FGF14: variants seen among roughly 807,000 people sequenced by gnomAD.
FGF14 encodes the protein fibroblast growth factor 14.
FGF14 carries 5 observed loss-of-function variants against 25.5 expected under a neutral mutation model. The ratio of observed to expected loss-of-function variants is 0.20; its 90% CI spans 0.10 to 0.41. FGF14 has a LOEUF of 0.41. Among genes scored for constraint, FGF14 ranks in the 10% least tolerant of loss-of-function variants. The pLI is 1.00. For synonymous variants in FGF14, 138 were observed against 118.3 expected, an observed-to-expected ratio of 1.17 and a Z score of -1.08; for missense variants, 222 against 320.1, an observed-to-expected ratio of 0.69 and a Z score of 2.34.
intron 1 of FGF14, among the ~76,000 whole-genome samples, chr13:102,202,699 A>G (rs2049719024): frequency 6.6e-6 from 1 of 152,210 alleles, no homozygotes; most frequent in South Asian, 2.1e-4. Context: ...TAGTGTGCTT[A>G]GAGTTATTGT....
At chr13:102,161,629 AAG>A (rs2047707986) in intron 1 of FGF14, among the ~76,000 whole-genome samples, 3 of 8,700 alleles carry the variant, frequency 3.4e-4, no homozygotes, top group Admixed American at 1.6e-3. Flanking sequence ...GAAGAAGAAG[AAG>A]AAGAAGAAGA....
At chr13:102,174,971 A>G (rs999678228) in intron 1 of FGF14, among the ~76,000 whole-genome samples, 5 of 152,188 alleles carry the variant, frequency 3.3e-5, no homozygotes, top group African/African-American at 1.2e-4. Flanking sequence ...ATAAGTGGAG[A>G]AACATTCCAA....
intron 1 of FGF14, among the ~76,000 whole-genome samples, chr13:102,203,831 C>A (rs2049782975): frequency 6.6e-6 from 1 of 152,098 alleles, no homozygotes; most frequent in Non-Finnish European, 1.5e-5. Context: ...TGTGATGAGA[C>A]CATGCACCAC....
At chr13:101,753,290 C>CACAG (rs1193594748) in intron 3 of FGF14, among the ~76,000 whole-genome samples, 5 of 104,820 alleles carry the variant, frequency 4.8e-5, no homozygotes, top group South Asian at 3.9e-4. Flanking sequence ...CACAGACACA[C>CACAG]ACAGACAGAC....
chr13:102,103,386 T>C (rs1236200632), intron 1 of FGF14, among the ~76,000 whole-genome samples: 7 of 152,136 alleles, frequency 4.6e-5, no homozygotes, highest in Non-Finnish European at 1.0e-4. Context: ...TTTTGACTAT[T>C]TTCCTGAAAC....
chr13:101,715,505 T>C lies in FGF14; in HGVS notation c.*7326A>G, dbSNP rs2034677341. Reference sequence around the variant, plus strand: ...TGGACACTTGTGATTTATAATAGCATGTTTAAATTTGGCACATTTTGATCA... The same window carrying C: ...TGGACACTTGTGATTTATAATAGCACGTTTAAATTTGGCACATTTTGATCA... On this transcript the variant is annotated 3_prime_UTR_variant, in exon 5 of 5. Coordinates refer to ENST00000376143, the MANE Select transcript of FGF14 (RefSeq NM_004115.4). 2 of 1,109,638 alleles carry C rather than the reference T, an allele frequency of 1.8e-6. No individual in the cohort carries two copies. The highest frequency in any genetic ancestry group is 3.4e-5 in the Admixed American group (2 of 58,934). 68.7% of individuals were successfully genotyped at this position (1,109,638 alleles called of 1,614,324 possible). A position where few individuals can be genotyped will look rare whatever the true frequency, so the allele number is the denominator to read the frequency against.
chr13:101,846,773 AG>A (rs1316008282), intron 3 of FGF14, among the ~76,000 whole-genome samples: 1 of 152,012 alleles, frequency 6.6e-6, no homozygotes, highest in Non-Finnish European at 1.5e-5. Flanking sequence ...GGTAAGTGTA[AG>A]TTCATGGCTT....
At chr13:102,391,365 A>G (rs964849917) in intron 1 of FGF14, among the ~76,000 whole-genome samples, 1 of 152,088 alleles carries the variant, frequency 6.6e-6, no homozygotes, top group Non-Finnish European at 1.5e-5. Context: ...AGTATCCCCC[A>G]TACAGAGTCA....
intron 3 of FGF14, among the ~76,000 whole-genome samples, chr13:101,803,128 C>CT (rs538040504): frequency 0.035 from 4,667 of 132,918 alleles, 185 homozygotes; most frequent in African/African-American, 0.092. Context: ...CATTTTGAAA[C>CT]TTTTTTTTTT....
chr13:102,007,481 A>G (rs1345092089), intron 1 of FGF14, among the ~76,000 whole-genome samples: 1 of 152,220 alleles, frequency 6.6e-6, no homozygotes, highest in Non-Finnish European at 1.5e-5. Context: ...AGAGTATAGA[A>G]CAATGAGCAC....
At chr13:102,296,414 T>C (rs1348978528) in intron 1 of FGF14, among the ~76,000 whole-genome samples, 3 of 152,146 alleles carry the variant, frequency 2.0e-5, no homozygotes, top group Non-Finnish European at 4.4e-5. Context: ...CTTTGCATTT[T>C]TGGGGTGGTC....
chr13:102,254,502 A>G (rs902338711), intron 1 of FGF14, among the ~76,000 whole-genome samples: 3 of 152,100 alleles, frequency 2.0e-5, no homozygotes, highest in East Asian at 1.9e-4. Flanking sequence ...GCAATTTTAT[A>G]CTTTATTAAG....
chr13:102,128,854 A>G (rs2046060430), intron 1 of FGF14, among the ~76,000 whole-genome samples: 2 of 152,148 alleles, frequency 1.3e-5, no homozygotes, highest in Non-Finnish European at 2.9e-5. Flanking sequence ...AGGCTAAGGC[A>G]GGCGGATCAC....
intron 1 of FGF14, among the ~76,000 whole-genome samples, chr13:102,275,234 TTCTCTCTCTCTC>T (rs938286146): frequency 3.0e-5 from 2 of 67,448 alleles, no homozygotes; most frequent in Non-Finnish European, 6.1e-5. Flanking sequence ...TTAGGCAGAT[TTCTCTCTCTCTC>T]TCTCTCTCTC....
In FGF14 at chr13:102,061,465, G is replaced by T. The variant is rs142621755; in HGVS notation, c.209-186169C>A. ...GGCACGCCCTGAGAGGGGAATAAGG[G>T]AAAACTCCTCCCATTTCAATATTCC... On this transcript the variant is annotated intron_variant, in intron 1 of 4. Coordinates refer to the FGF14 transcript ENST00000376131. Among the ~76,000 whole-genome samples the T allele has an allele frequency of 1.4e-3, 220 of 152,316 alleles. 3 individuals are homozygous for T. Among genetic ancestry groups the T allele is most frequent in the African/African-American group, 5.1e-3 (212 of 41,570 alleles).
At chr13:102,178,197 C>T (rs1007359255) in intron 1 of FGF14, among the ~76,000 whole-genome samples, 7 of 152,098 alleles carry the variant, frequency 4.6e-5, no homozygotes, top group Non-Finnish European at 8.8e-5. Flanking sequence ...CCACTGACAA[C>T]AGTGGGAATT....
intron 1 of FGF14, among the ~76,000 whole-genome samples, chr13:102,312,387 C>G (rs976215570): frequency 6.6e-6 from 1 of 152,090 alleles, no homozygotes; most frequent in Non-Finnish European, 1.5e-5. Flanking sequence ...GTCTTTCATT[C>G]TTACAACAAA....
intron 1 of FGF14, among the ~76,000 whole-genome samples, chr13:102,366,233 G>A (rs936418789): frequency 6.6e-6 from 1 of 152,060 alleles, no homozygotes; most frequent in Non-Finnish European, 1.5e-5. Flanking sequence ...GGTACCCTGG[G>A]AAACACAAGA....
chr13:102,239,077 T>TAA (rs35444287), intron 1 of FGF14, among the ~76,000 whole-genome samples: 42 of 149,918 alleles, frequency 2.8e-4, no homozygotes, highest in Middle Eastern at 3.4e-3. Flanking sequence ...ACTCGCTGGT[T>TAA]AAAAAAAAAC....
Sources: allele counts gnomAD v4.1 joint callset (sites outside exome capture counted in the v4.1 genomes callset), GRCh38; gene constraint gnomAD v4.1.1; transcripts MANE v1.5; gene names NCBI Gene and HGNC (gene_info 2026-07-23, HGNC 2026-07-21).